VEPH1: variants seen among roughly 807,000 people sequenced by gnomAD.
The protein encoded by VEPH1 is ventricular zone expressed PH domain containing 1, also known as ventricular zone-expressed PH domain-containing protein homolog 1.
VEPH1 carries 80 observed loss-of-function variants against 85.2 expected under a neutral mutation model. The observed-to-expected ratio is 0.94, with a 90% CI of 0.78 to 1.13. The LOEUF is 1.13. Among genes scored for constraint, VEPH1 ranks in the 50% most tolerant of loss-of-function variants. The pLI is 0.00. For missense variants in VEPH1, 955 were observed against 980.5 expected (o/e 0.97, Z 0.35); for synonymous variants, 297 against 348.0 (o/e 0.85, Z 1.63).
intron 9 of VEPH1, among the ~76,000 whole-genome samples, chr3:157,339,132 C>T (rs1264849422): frequency 6.6e-6 from 1 of 152,160 alleles, no homozygotes; most frequent in Non-Finnish European, 1.5e-5. Flanking sequence ...TGTGAGATAA[C>T]TGGGTTATTT....
At chr3:157,411,797 T>C (rs1420258624) in intron 6 of VEPH1, among the ~76,000 whole-genome samples, 1 of 152,222 alleles carries the variant, frequency 6.6e-6, no homozygotes, top group East Asian at 1.9e-4. Flanking sequence ...TCAGGCTATT[T>C]AGATCCACCT....
intron 4 of VEPH1, chr3:157,443,141 C>T: frequency 1.2e-6 from 1 of 803,058 alleles, no homozygotes; most frequent in Non-Finnish European, 1.9e-6. Context: ...ACTGAATAAA[C>T]AGTTGAAGGA....
chr3:157,433,434 G>A (rs1434895169), intron 4 of VEPH1, among the ~76,000 whole-genome samples: 3 of 152,028 alleles, frequency 2.0e-5, no homozygotes, highest in Non-Finnish European at 4.4e-5. Context: ...TTTGAGTGCT[G>A]AATTTTATCA....
At chr3:157,295,364 C>T (rs969210123) in intron 11 of VEPH1, among the ~76,000 whole-genome samples, 3 of 150,864 alleles carry the variant, frequency 2.0e-5, no homozygotes, top group African/African-American at 4.9e-5. Context: ...CCCAGGAGTT[C>T]GTGGAGGCAG....
intron 4 of VEPH1, among the ~76,000 whole-genome samples, chr3:157,446,102 A>G (rs1734527459): frequency 6.6e-6 from 1 of 152,170 alleles, no homozygotes; most frequent in Non-Finnish European, 1.5e-5. Context: ...CGACATCACC[A>G]TATTACAGCA....
At chr3:157,442,867 A>G in intron 4 of VEPH1, 1 of 1,614,206 alleles carries the variant, frequency 6.2e-7, no homozygotes. Flanking sequence ...GTTCTTAGCA[A>G]TGAAGAGATA....
At chr3:157,442,542 C>T in intron 4 of VEPH1, 2 of 1,614,142 alleles carry the variant, frequency 1.2e-6, no homozygotes, top group Non-Finnish European at 1.7e-6. Context: ...ATATGAAATC[C>T]AGCTGTATCT....
chr3:157,438,057 A>ACACC, intron 4 of VEPH1: 1 of 744,654 alleles, frequency 1.3e-6, no homozygotes, highest in Non-Finnish European at 2.1e-6. Context: ...ACACACACAC[A>ACACC]CACACACACA....
chr3:157,281,101 T>TGAGA (rs1553756525), intron 12 of VEPH1, among the ~76,000 whole-genome samples: 5 of 148,626 alleles, frequency 3.4e-5, no homozygotes, highest in South Asian at 2.1e-4. Context: ...TGTGTGTGTG[T>TGAGA]GAGAGAGAGA....
At chr3:157,396,674 G>A (rs1560030354) in intron 6 of VEPH1, among the ~76,000 whole-genome samples, 3 of 152,072 alleles carry the variant, frequency 2.0e-5, no homozygotes, top group East Asian at 1.9e-4. Context: ...GTTTTGATCC[G>A]CATTTCTTTA....
At chr3:157,385,635 T>C (rs1179231757) in intron 6 of VEPH1, among the ~76,000 whole-genome samples, 1 of 152,234 alleles carries the variant, frequency 6.6e-6, no homozygotes, top group African/African-American at 2.4e-5. Context: ...TATTCTCATA[T>C]GTTTCTGTAT....
At chr3:157,265,125 T>A (rs189237759) in intron 13 of VEPH1, among the ~76,000 whole-genome samples, 1 of 152,332 alleles carries the variant, frequency 6.6e-6, no homozygotes, top group East Asian at 1.9e-4. Flanking sequence ...CAGCCTTCAT[T>A]CTTTCCTCCT....
chr3:157,296,566 T>C lies in VEPH1; in HGVS notation c.2011-9892A>G, dbSNP rs140455451. Among the ~76,000 whole-genome samples the C allele has an allele frequency of 2.7e-3, 415 of 152,352 alleles. 5 individuals are homozygous for C. The East Asian group carries it at 0.043, about 16-fold the overall frequency. On this transcript the variant is annotated intron_variant, in intron 11 of 13. Transcript: ENST00000362010. ...GTTACAGTTTCTTTTAACTTTTAGCTCTTCAAACTTGGAGATAAACAGGTC... is the reference window on the plus strand; with the variant it reads ...GTTACAGTTTCTTTTAACTTTTAGCCCTTCAAACTTGGAGATAAACAGGTC...
chr3:157,343,209 A>C (rs531005381), intron 9 of VEPH1, among the ~76,000 whole-genome samples: 1 of 152,198 alleles, frequency 6.6e-6, no homozygotes, highest in Non-Finnish European at 1.5e-5. Context: ...GAGACACAAA[A>C]AACCCTTCAA....
chr3:157,470,031 A>T (rs571893226), intron 3 of VEPH1, among the ~76,000 whole-genome samples: 2 of 152,236 alleles, frequency 1.3e-5, no homozygotes, highest in East Asian at 3.9e-4. Flanking sequence ...GTCTTGGCAC[A>T]TATTGCTTTC....
intron 9 of VEPH1, among the ~76,000 whole-genome samples, chr3:157,331,327 G>A (rs1722481113): frequency 6.6e-6 from 1 of 152,212 alleles, no homozygotes; most frequent in African/African-American, 2.4e-5. Context: ...GTGATTTGAG[G>A]TGGTATGGTG....
At chr3:157,357,603 C>T (rs1160867816) in intron 9 of VEPH1, among the ~76,000 whole-genome samples, 2 of 152,020 alleles carry the variant, frequency 1.3e-5, no homozygotes, top group Non-Finnish European at 2.9e-5. Context: ...AGCGATTCTC[C>T]TGCCTCAGCC....
chr3:157,392,328 C>T (rs953979754), intron 6 of VEPH1, among the ~76,000 whole-genome samples: 12 of 152,222 alleles, frequency 7.9e-5, no homozygotes, highest in Admixed American at 6.5e-4. Flanking sequence ...AGAGAGAGCA[C>T]GTATGTAGGG....
At position 157,346,260 on chromosome 3, in the gene VEPH1, T is replaced by C. The variant is rs186024604; in HGVS notation, c.1735+17104A>G. ...AAAGGGCATTTCTTGATAAGATTTC[T>C]ATTATCAGCAAAATATCTTATAGGA... is the stretch of plus-strand genomic sequence containing the variant. On this transcript the variant is annotated intron_variant, in intron 9 of 13. Transcript: ENST00000362010. Among the ~76,000 whole-genome samples, 157 of 152,324 alleles carry C rather than the reference T, an allele frequency of 1.0e-3. 1 individual carries two copies. The highest frequency in any genetic ancestry group is 1.1e-3 in the Non-Finnish European group (77 of 68,018).
Sources: allele counts gnomAD v4.1 joint callset (sites outside exome capture counted in the v4.1 genomes callset), GRCh38; gene constraint gnomAD v4.1.1; transcripts MANE v1.5; gene names NCBI Gene and HGNC (gene_info 2026-07-23, HGNC 2026-07-21).